Variants in G2E3 observed in about 807,000 individuals in gnomAD.
G2E3 encodes G2/M-phase specific E3 ubiquitin protein ligase, also known as G2/M phase-specific E3 ubiquitin-protein ligase.
Under a neutral mutation model 92.8 loss-of-function variants are expected in G2E3, and 35 were observed. That is an observed-to-expected ratio of 0.38 (90% CI 0.29 to 0.50). G2E3 has a LOEUF of 0.50. G2E3 is among the 20% of genes least tolerant of loss of function. The pLI, the probability that G2E3 is intolerant of heterozygous loss-of-function variation, is 0.94. For missense variants in G2E3, 554 were observed against 823.8 expected, an observed-to-expected ratio of 0.67 and a Z score of 4.01; for synonymous variants, 242 against 272.4, an observed-to-expected ratio of 0.89 and a Z score of 1.10.
chr14:30,564,612 G>A (rs987182493), intron 1 of G2E3, among the ~76,000 whole-genome samples: 1 of 152,138 alleles, frequency 6.6e-6, no homozygotes, highest in Non-Finnish European at 1.5e-5. Context: ...GGAATTACAG[G>A]TGTGAGCCAC....
chr14:30,602,276 T>C (rs1881607174), intron 10 of G2E3, 145 bp downstream of exon 10: 1 of 608,480 alleles, frequency 1.6e-6, no homozygotes, highest in Non-Finnish European at 2.8e-6. Flanking sequence ...CATTTGATCA[T>C]GAAATCAATG....
intron 1 of G2E3, among the ~76,000 whole-genome samples, chr14:30,563,258 G>A (rs947237771): frequency 1.3e-5 from 2 of 151,238 alleles, no homozygotes; most frequent in Non-Finnish European, 2.9e-5. Context: ...TTCTTTTTCC[G>A]TTTGATCACT....
chr14:30,603,497 G>A (rs1167561360), intron 10 of G2E3, among the ~76,000 whole-genome samples: 1 of 152,084 alleles, frequency 6.6e-6, no homozygotes, highest in Non-Finnish European at 1.5e-5. Flanking sequence ...TTACCCAATA[G>A]GGAAGAAGTA....
At chr14:30,571,259 G>GT (rs1000111851) in intron 1 of G2E3, among the ~76,000 whole-genome samples, 5 of 149,042 alleles carry the variant, frequency 3.4e-5, no homozygotes, top group African/African-American at 9.9e-5. Flanking sequence ...GCTATGTTGT[G>GT]TTTTTTTTAA....
chr14:30,586,882 C>A, intron 3 of G2E3, 67 bp downstream of exon 3: 1 of 509,378 alleles, frequency 2.0e-6, no homozygotes, highest in Non-Finnish European at 3.5e-6. Flanking sequence ...GATTCTGACA[C>A]TGATTTCTGA....
At chr14:30,609,759 T>C (rs1405813835) in intron 12 of G2E3, among the ~76,000 whole-genome samples, 2 of 152,160 alleles carry the variant, frequency 1.3e-5, no homozygotes, top group Non-Finnish European at 2.9e-5. Flanking sequence ...TTTTTGTGTT[T>C]TTACCTGTTT....
chr14:30,560,992 G>A, intron 1 of G2E3: 1 of 596,976 alleles, frequency 1.7e-6, no homozygotes, highest in Non-Finnish European at 3.0e-6. Flanking sequence ...CCCTGGGCAA[G>A]CTGTTTAACC....
chr14:30,588,943 A>G (rs954843226), intron 3 of G2E3, among the ~76,000 whole-genome samples: 1 of 152,182 alleles, frequency 6.6e-6, no homozygotes, highest in Admixed American at 6.5e-5. Flanking sequence ...TAATGCCTTA[A>G]TGATTCAGAA....
chr14:30,580,915 A>G, intron 1 of G2E3, 161 bp from the exon 2 acceptor site: 1 of 584,430 alleles, frequency 1.7e-6, no homozygotes, highest in Non-Finnish European at 3.1e-6. Context: ...TTAACACCCC[A>G]GTTGAGAACT....
intron 10 of G2E3, chr14:30,602,598 T>C (rs999468620): frequency 2.0e-5 from 3 of 152,422 alleles, no homozygotes; most frequent in Non-Finnish European, 4.4e-5. Context: ...CTATTTAATA[T>C]AGAAATTTTT....
chr14:30,562,453 T>C (rs1485573359), intron 1 of G2E3, among the ~76,000 whole-genome samples: 2 of 152,198 alleles, frequency 1.3e-5, no homozygotes, highest in Non-Finnish European at 2.9e-5. Flanking sequence ...CCTTCTGTTA[T>C]GCCCGGACAG....
Position 30,616,617 on chromosome 14 carries a change from C to T in G2E3, c.*83C>T. On this transcript the variant is annotated 3_prime_UTR_variant, in exon 15 of 15. Coordinates refer to ENST00000206595, the MANE Select transcript of G2E3 (RefSeq NM_017769.5). ...TATTTCACTAACCTTTTCATCATCA[C>T]TTTGAACAAACTAGTTAGCTTCTTG... 1.0e-6 allele frequency: 1 copy of T among 1,003,096 alleles called. No homozygotes were observed. Among genetic ancestry groups the T allele is most frequent in the Non-Finnish European group, 1.5e-6 (1 of 666,870 alleles). 62.1% of individuals were successfully genotyped at this position (1,003,096 alleles called of 1,614,324 possible). A position where few individuals can be genotyped will look rare whatever the true frequency, so the allele number is the denominator to read the frequency against.
rs995448968 is a variant in G2E3 at position 30,617,251 on chromosome 14, A to G, written c.*717A>G. 4.6e-5 allele frequency: 7 copies of G among 151,804 alleles called. No individual in the cohort carries two copies. The highest frequency in any genetic ancestry group is 1.7e-4 in the African/African-American group (7 of 41,378). The allele number at this position is 151,804 out of a possible 1,614,324, so 9.4% of individuals were successfully genotyped here. ...AGCCTGGCAATGTAGCAAAGACTCCATCTCAAAAAAAAAAACAGAATTGCA... is the reference window on the plus strand; with the variant it reads ...AGCCTGGCAATGTAGCAAAGACTCCGTCTCAAAAAAAAAAACAGAATTGCA... On this transcript the variant is annotated 3_prime_UTR_variant, in exon 15 of 15. Transcript: ENST00000206595.
At chr14:30,559,808 C>A (rs1009370514) in intron 1 of G2E3, 1 of 152,118 alleles carries the variant, frequency 6.6e-6, no homozygotes, top group African/African-American at 2.4e-5. Context: ...CTTTGAAATG[C>A]CTGAGTGGGA....
At chr14:30,567,763 A>G (rs1310550340) in intron 1 of G2E3, among the ~76,000 whole-genome samples, 1 of 151,844 alleles carries the variant, frequency 6.6e-6, no homozygotes, top group African/African-American at 2.4e-5. Flanking sequence ...TTTGTCTCTA[A>G]GTATTTTCTA....
chr14:30,590,527 T>C (rs1880946647), intron 4 of G2E3: 1 of 380,848 alleles, frequency 2.6e-6, no homozygotes, highest in African/African-American at 2.1e-5. Context: ...CCACCCCATG[T>C]CAAGTCTGGA....
rs1382894163 is a variant in G2E3 at position 30,564,104 on chromosome 14, AAT to A, written c.-5+4834_-5+4835del. On this transcript the variant is annotated intron_variant, in intron 1 of 14. Coordinates refer to ENST00000206595, the MANE Select transcript of G2E3 (RefSeq NM_017769.5). Reference sequence around the variant, plus strand: ...AGTATCTGGTATACAATTTGTATGCAATAAAAGTCACCCATTTTAGGGGTATA... The same window carrying A: ...AGTATCTGGTATACAATTTGTATGCAAAAAGTCACCCATTTTAGGGGTATA... Among the ~76,000 whole-genome samples the A allele has an allele frequency of 2.6e-5, 4 of 152,354 alleles. No homozygotes were observed. In the East Asian group the frequency reaches 7.7e-4, roughly 29 times the overall value.
At chr14:30,565,765 C>T (rs1879392946) in intron 1 of G2E3, among the ~76,000 whole-genome samples, 1 of 148,262 alleles carries the variant, frequency 6.7e-6, no homozygotes, top group Non-Finnish European at 1.5e-5. Flanking sequence ...GGGTTCATGC[C>T]ATTCTCCTGC....
chr14:30,593,586 A>T lies in G2E3; in HGVS notation c.475A>T (p.Ile159Leu). 1 of 1,606,550 alleles carries T rather than the reference A, an allele frequency of 6.2e-7. No homozygotes were observed. The highest frequency in any genetic ancestry group is 8.5e-7 in the Non-Finnish European group (1 of 1,173,484). ...EFIEPIPSYN[I>L]LRSPCCKNAW... ...TATTGAGCCTATTCCAAGTTATAACATATTACGAAGTCCTTGTTGTAAGAA... is the reference window on the plus strand; with the variant it reads ...TATTGAGCCTATTCCAAGTTATAACTTATTACGAAGTCCTTGTTGTAAGAA... Residue 159 changes from isoleucine (I) to leucine (L), a missense_variant, in exon 6 of 15, where the codon ATA (isoleucine) becomes TTA (leucine). Physicochemically the swap from Ile to Leu is conservative, Grantham distance 5. Transcript: ENST00000206595.
Sources: allele counts gnomAD v4.1 joint callset (sites outside exome capture counted in the v4.1 genomes callset), GRCh38; gene constraint gnomAD v4.1.1; transcripts MANE v1.5; gene names NCBI Gene and HGNC (gene_info 2026-07-23, HGNC 2026-07-21).